Variants in ABCA1 observed in about 807,000 individuals in gnomAD.
ABCA1 encodes phospholipid-transporting ATPase ABCA1.
Under a neutral mutation model 262.5 loss-of-function variants are expected in ABCA1, and 133 were observed. The ratio of observed to expected loss-of-function variants is 0.51; its 90% CI spans 0.44 to 0.59. The LOEUF is 0.59. Among genes scored for constraint, ABCA1 ranks in the 20% least tolerant of loss-of-function variants. The pLI is 0.00. For missense variants in ABCA1, 2,452 were observed against 2,777.5 expected (o/e 0.88, Z 2.63); for synonymous variants, 1,022 against 1,043.5 (o/e 0.98, Z 0.40).
Position 104,798,495 on chromosome 9 carries a change from T to C in ABCA1, c.5047A>G (p.Lys1683Glu), listed in dbSNP as rs746577622. 1 of 1,614,192 alleles carries C rather than the reference T, an allele frequency of 6.2e-7. No homozygotes were observed. The highest frequency in any genetic ancestry group is 1.1e-5 in the South Asian group (1 of 91,086). The change falls in exon 37 of 50, where the codon AAA (lysine) becomes GAA (glutamate). Residue 1683 changes from lysine (K) to glutamate (E), a missense_variant. Coordinates refer to ENST00000374736, the MANE Select transcript of ABCA1 (RefSeq NM_005502.4). Reference protein sequence around the residue: ...VVFLIQERVSKAKHLQFISGV... With the variant: ...VVFLIQERVSEAKHLQFISGV... ...CTGATGAACTGCAGGTGTTTTGCTT[T>C]GCTGACCCGCTCCTGGATCAGGAAT...
Position 104,919,644 on chromosome 9 carries a change from T to C in ABCA1, c.-93+8291A>G, listed in dbSNP as rs1002693460. Among the ~76,000 whole-genome samples, 6 of 151,760 alleles carry C rather than the reference T, an allele frequency of 4.0e-5. No homozygotes were observed. The East Asian group carries it at 1.2e-3, about 29-fold the overall frequency. On this transcript the variant is annotated intron_variant, in intron 1 of 49. Coordinates refer to ENST00000374736, the MANE Select transcript of ABCA1 (RefSeq NM_005502.4). ...AAAGCAAAACCTACACCCAAAATGA[T>C]GTCCGAGATGGAGAGTCCAATTTTA...
rs751040729 is a variant in ABCA1 at position 104,861,686 on chromosome 9, A to C, written c.536T>G (p.Leu179Arg). ...VDKMLRADVI[L>R]HKVFLQGYQL... ...CTGGAGGCATCAGCTTACCTTGTGG[A>C]GAATGACATCAGCCCTCAGCATCTT... is the stretch of plus-strand genomic sequence containing the variant. The change falls in exon 6 of 50, where the codon CTC (leucine) becomes CGC (arginine). Residue 179 changes from leucine (L) to arginine (R), a missense_variant. Physicochemically the swap from Leu to Arg is moderately radical, Grantham distance 102. Around this residue, in one of 4 missense-constraint regions of ABCA1, gnomAD observed 1,032 missense variants for 1,089.7 expected, o/e 0.95. Transcript: ENST00000374736. The C allele has an allele frequency of 6.2e-7, 1 of 1,614,088 alleles. No individual in the cohort carries two copies. Among genetic ancestry groups the C allele is most frequent in the Non-Finnish European group, 8.5e-7 (1 of 1,180,048 alleles).
At chr9:104,901,582 G>C (rs1840672058) in intron 2 of ABCA1, among the ~76,000 whole-genome samples, 1 of 152,202 alleles carries the variant, frequency 6.6e-6, no homozygotes, top group South Asian at 2.1e-4. Flanking sequence ...GACGGACATA[G>C]AGGACTGGAA....
At chr9:104,800,378 C>T (rs1015331616) in intron 35 of ABCA1, 132 bp downstream of exon 35, 1 of 855,064 alleles carries the variant, frequency 1.2e-6, no homozygotes, top group Admixed American at 1.9e-5. Context: ...TACTGCCTCA[C>T]TGGTAAAGTT....
intron 9 of ABCA1, among the ~76,000 whole-genome samples, chr9:104,838,571 G>A (rs2119028445): frequency 6.6e-6 from 1 of 150,726 alleles, no homozygotes; most frequent in South Asian, 2.1e-4. Context: ...GAGCCGAGAT[G>A]GCGCCACTGC....
intron 24 of ABCA1, among the ~76,000 whole-genome samples, chr9:104,816,818 T>A (rs1425230601): frequency 1.3e-5 from 2 of 152,146 alleles, no homozygotes; most frequent in Non-Finnish European, 1.5e-5. Context: ...AGGGTTAATC[T>A]AACAGTCCAT....
In ABCA1 at chr9:104,830,908, G is replaced by A. The variant is rs1833241967; in HGVS notation, c.1892+17C>T. The stretch of plus-strand genomic sequence containing the variant: ...CAGTATAAACTGGTTAAAAACAGTG[G>A]CTTGCAGGTAACTTACATGTCATCA... On this transcript the variant is annotated intron_variant, in intron 14 of 49. Coordinates refer to ENST00000374736, the MANE Select transcript of ABCA1 (RefSeq NM_005502.4). The A allele has an allele frequency of 6.2e-7, 1 of 1,613,286 alleles. No homozygotes were observed. Among genetic ancestry groups the A allele is most frequent in the Admixed American group, 1.7e-5 (1 of 59,948 alleles).
At position 104,802,170 on chromosome 9, in the gene ABCA1, A is replaced by T. The variant is rs1453763758; in HGVS notation, c.4593-11T>A. The stretch of plus-strand genomic sequence containing the variant: ...GAAAAGCCGCCATACCTAAAAGAAC[A>T]GCCTGACATTAAAACCCAGACAGTG... On this transcript the variant is annotated splice_polypyrimidine_tract_variant and intron_variant, in intron 33 of 49. Coordinates refer to ENST00000374736, the MANE Select transcript of ABCA1 (RefSeq NM_005502.4). The T allele has an allele frequency of 6.2e-7, 1 of 1,612,520 alleles. No individual in the cohort carries two copies. Among genetic ancestry groups the T allele is most frequent in the Non-Finnish European group, 8.5e-7 (1 of 1,178,504 alleles).
At chr9:104,792,725 G>A in intron 42 of ABCA1, 61 bp downstream of exon 42, 1 of 1,611,410 alleles carries the variant, frequency 6.2e-7, no homozygotes, top group South Asian at 1.1e-5. Flanking sequence ...AAACTGCTGG[G>A]TTACAGCACA....
intron 8 of ABCA1, among the ~76,000 whole-genome samples, chr9:104,842,433 CA>C (rs761702074): frequency 6.7e-6 from 1 of 150,156 alleles, no homozygotes; most frequent in Non-Finnish European, 1.5e-5. Context: ...ACTCCCCAAT[CA>C]AAAAAAAAAA....
chr9:104,889,906 C>T lies in ABCA1; in HGVS notation c.67-711G>A, dbSNP rs534507558. Among the ~76,000 whole-genome samples, 8 of 152,210 alleles carry T rather than the reference C, an allele frequency of 5.3e-5. No individual in the cohort carries two copies. The South Asian group carries it at 8.3e-4, about 16-fold the overall frequency. On this transcript the variant is annotated intron_variant, in intron 2 of 49. Coordinates refer to ENST00000374736, the MANE Select transcript of ABCA1 (RefSeq NM_005502.4). Reference sequence around the variant, plus strand: ...GTCCAGGTCTGGTCATCATCTTCTCCGATGAGTTAAAAAGATCATTGAACT... The same window carrying T: ...GTCCAGGTCTGGTCATCATCTTCTCTGATGAGTTAAAAAGATCATTGAACT...
At chr9:104,854,988 C>T (rs1260507318) in intron 7 of ABCA1, among the ~76,000 whole-genome samples, 2 of 152,188 alleles carry the variant, frequency 1.3e-5, no homozygotes, top group Non-Finnish European at 2.9e-5. Context: ...GGAAACTGCT[C>T]TTAACCCCAG....
chr9:104,830,548 G>A (rs1833200950), intron 14 of ABCA1, among the ~76,000 whole-genome samples: 2 of 152,122 alleles, frequency 1.3e-5, no homozygotes, highest in South Asian at 4.2e-4. Context: ...AAGTCAGCCG[G>A]GCGTGGCAGC....
intron 1 of ABCA1, among the ~76,000 whole-genome samples, chr9:104,916,190 A>G (rs1841828120): frequency 6.6e-6 from 1 of 152,154 alleles, no homozygotes; most frequent in Admixed American, 6.5e-5. Context: ...TAACACAATC[A>G]TTAAAGTAAA....
Position 104,831,052 on chromosome 9 carries a change from C to T in ABCA1, c.1765G>A (p.Val589Ile), listed in dbSNP as rs200928212. 74 of 1,613,140 alleles carry T rather than the reference C, an allele frequency of 4.6e-5. No individual in the cohort carries two copies. The Admixed American group carries it at 5.7e-4, about 12-fold the overall frequency. The change falls in exon 14 of 50, where the codon GTC (valine) becomes ATC (isoleucine). Residue 589 changes from valine (V) to isoleucine (I), a missense_variant. Val to Ile is a conservative substitution (Grantham distance 29). Around this residue, in one of 4 missense-constraint regions of ABCA1, gnomAD observed 1,032 missense variants for 1,089.7 expected, o/e 0.95. Coordinates refer to ENST00000374736, the MANE Select transcript of ABCA1 (RefSeq NM_005502.4). ...RADPFEDMRY[V>I]WGGFAYLQDV... Reference sequence around the variant, plus strand: ...TGCAAGTAGGCGAAGCCCCCCCAGACGTACCGCATGTCCTCAAAGGGGTCA... The same window carrying T: ...TGCAAGTAGGCGAAGCCCCCCCAGATGTACCGCATGTCCTCAAAGGGGTCA...
At chr9:104,872,805 G>A (rs1484708833) in intron 5 of ABCA1, among the ~76,000 whole-genome samples, 1 of 152,218 alleles carries the variant, frequency 6.6e-6, no homozygotes, top group Admixed American at 6.5e-5. Context: ...TGCTGGAAAA[G>A]CAGGAGACAC....
rs149654209 is a variant in ABCA1, at chr9:104,889,425, G to A, written c.67-230C>T. ...TAGGTAAGGGAAGATGCTTCCTATC[G>A]TGCTTTATCTGGTTCACTTCTATTC... On this transcript the variant is annotated intron_variant, in intron 2 of 49. Coordinates refer to ENST00000374736, the MANE Select transcript of ABCA1 (RefSeq NM_005502.4). 867 of 955,360 alleles carry A rather than the reference G, an allele frequency of 9.1e-4. 3 individuals are homozygous for A. In the African/African-American group the frequency reaches 0.013, roughly 14 times the overall value. 59.2% of individuals were successfully genotyped at this position (955,360 alleles called of 1,614,324 possible). A position where few individuals can be genotyped will look rare whatever the true frequency, so the allele number is the denominator to read the frequency against.
chr9:104,887,557 A>G (rs1401947060), intron 3 of ABCA1, among the ~76,000 whole-genome samples: 1 of 152,016 alleles, frequency 6.6e-6, no homozygotes, highest in African/African-American at 2.4e-5. Flanking sequence ...AGATGAAAAA[A>G]CTGAGTTTGC....
At chr9:104,874,793 CCCGG>C (rs1271947564) in intron 5 of ABCA1, among the ~76,000 whole-genome samples, 3,732 of 145,284 alleles carry the variant, frequency 0.026, 169 homozygotes, top group African/African-American at 0.089. Flanking sequence ...GCAGCCCCCG[CCCGG>C]CCAGCCGCCC....
Sources: allele counts gnomAD v4.1 joint callset (sites outside exome capture counted in the v4.1 genomes callset), GRCh38; gene constraint gnomAD v4.1.1; regional missense constraint gnomAD v4.1.1; transcripts MANE v1.5; gene names NCBI Gene and HGNC (gene_info 2026-07-23, HGNC 2026-07-21).